Variants in GXYLT1 observed in about 807,000 individuals in gnomAD.
The protein encoded by GXYLT1 is glucoside xylosyltransferase 1, also known as glycosyltransferase 8 domain containing 3.
Under a neutral mutation model 54.0 loss-of-function variants are expected in GXYLT1, and 29 were observed. The ratio of observed to expected loss-of-function variants is 0.54; its 90% confidence interval spans 0.40 to 0.73. The LOEUF (loss-of-function observed/expected upper bound fraction) is 0.73, where lower values mean the gene tolerates loss of function less well. Ranked by LOEUF, GXYLT1 falls within the 30% of genes least tolerant of loss-of-function variation. The probability of loss-of-function intolerance (pLI) is 0.00; values close to 1 mark genes in which losing one functional copy is unlikely to be tolerated. For missense variants in GXYLT1, 490 were observed against 553.4 expected (o/e 0.89, Z 1.15); for synonymous variants, 176 against 204.1 (o/e 0.86, Z 1.17).
chr12:42,138,306 C>T lies in GXYLT1; in HGVS notation c.221+6120G>A, dbSNP rs146547586. Among the ~76,000 whole-genome samples, 7 of 152,300 alleles carry T rather than the reference C, an allele frequency of 4.6e-5. No individual in the cohort carries two copies. The East Asian group carries it at 1.3e-3, about 29-fold the overall frequency. On this transcript the variant is annotated intron_variant, in intron 1 of 7. Coordinates refer to ENST00000398675, the MANE Select transcript of GXYLT1 (RefSeq NM_173601.2). Reference sequence around the variant, plus strand: ...TCAAATAAATAAATAAATAAACAAACAAACAAATAAATAATTTCTAGACAA... The same window carrying T: ...TCAAATAAATAAATAAATAAACAAATAAACAAATAAATAATTTCTAGACAA...
At chr12:42,112,837 T>A (rs141061909) in intron 3 of GXYLT1, among the ~76,000 whole-genome samples, 1 of 150,906 alleles carries the variant, frequency 6.6e-6, no homozygotes, top group Admixed American at 6.6e-5. Flanking sequence ...GACACAGAAT[T>A]GTCAGATTCA....
chr12:42,134,027 T>C (rs1427655678), intron 1 of GXYLT1, among the ~76,000 whole-genome samples: 5 of 151,522 alleles, frequency 3.3e-5, no homozygotes, highest in Non-Finnish European at 7.4e-5. Context: ...CAAAACCCCA[T>C]CTCTACAAAG....
intron 2 of GXYLT1, among the ~76,000 whole-genome samples, chr12:42,120,917 CCT>C (rs1460051686): frequency 1.3e-5 from 2 of 152,034 alleles, no homozygotes; most frequent in African/African-American, 4.8e-5. Flanking sequence ...TTGTTTGTAC[CCT>C]CTGTCCTTTG....
chr12:42,099,747 G>A (rs1288851576), intron 5 of GXYLT1, among the ~76,000 whole-genome samples: 2 of 152,182 alleles, frequency 1.3e-5, no homozygotes, highest in Non-Finnish European at 2.9e-5. Flanking sequence ...CTACTTGGAA[G>A]GCTGAGGTGG....
chr12:42,101,611 G>A (rs1017312899), intron 5 of GXYLT1, among the ~76,000 whole-genome samples: 6 of 150,434 alleles, frequency 4.0e-5, no homozygotes, highest in African/African-American at 7.4e-5. Context: ...TCACTCTGTC[G>A]CCCAGGCTGG....
rs180965374 is a variant in GXYLT1, at chr12:42,114,061, A to G, written c.487-4370T>C. On this transcript the variant is annotated intron_variant, in intron 3 of 7. Coordinates refer to ENST00000398675, the MANE Select transcript of GXYLT1 (RefSeq NM_173601.2). ...AAATAATGAAATGAAGGCAGAAATAAACATGTTCTTTGAAACCAACCAGAA... is the reference window on the plus strand; with the variant it reads ...AAATAATGAAATGAAGGCAGAAATAGACATGTTCTTTGAAACCAACCAGAA... 2.8e-3 allele frequency among the ~76,000 whole-genome samples: 433 copies of G among 152,364 alleles called. 1 individual carries two copies. The highest frequency in any genetic ancestry group is 9.3e-3 in the African/African-American group (386 of 41,586).
intron 2 of GXYLT1, among the ~76,000 whole-genome samples, chr12:42,124,218 G>A (rs979265708): frequency 5.3e-5 from 8 of 151,756 alleles, no homozygotes; most frequent in African/African-American, 1.9e-4. Context: ...TATGACCACA[G>A]AATTCACAAA....
intron 2 of GXYLT1, among the ~76,000 whole-genome samples, chr12:42,126,202 T>C (rs1190653074): frequency 1.3e-5 from 2 of 151,958 alleles, no homozygotes; most frequent in African/African-American, 2.4e-5. Flanking sequence ...GTCTCCCAAG[T>C]AGCTTGAACT....
At chr12:42,099,271 T>C (rs1279084831) in intron 5 of GXYLT1, among the ~76,000 whole-genome samples, 3 of 152,188 alleles carry the variant, frequency 2.0e-5, no homozygotes, top group African/African-American at 4.8e-5. Context: ...GAGGAGACCA[T>C]ACTACGCTAC....
chr12:42,088,949 A>T (rs2065313493), intron 7 of GXYLT1, among the ~76,000 whole-genome samples: 1 of 152,024 alleles, frequency 6.6e-6, no homozygotes, highest in East Asian at 1.9e-4. Context: ...AGAGAAGAGG[A>T]TGAACTTGGA....
intron 6 of GXYLT1, 93 bp downstream of exon 6, chr12:42,097,817 A>G: frequency 3.7e-6 from 4 of 1,075,232 alleles, no homozygotes; most frequent in African/African-American, 1.6e-5. Flanking sequence ...AATCATTAAT[A>G]TAAGACAGAA....
intron 5 of GXYLT1, among the ~76,000 whole-genome samples, chr12:42,098,432 T>C (rs1353958996): frequency 8.0e-6 from 1 of 124,358 alleles, no homozygotes; most frequent in Non-Finnish European, 1.7e-5. Flanking sequence ...CTATTATTAT[T>C]TTTTACCATG....
At chr12:42,129,194 C>T (rs1017235301) in intron 2 of GXYLT1, among the ~76,000 whole-genome samples, 1 of 152,088 alleles carries the variant, frequency 6.6e-6, no homozygotes, top group African/African-American at 2.4e-5. Context: ...GTACCCAATA[C>T]CTTCATTATC....
At chr12:42,136,569 G>A (rs369033991) in intron 1 of GXYLT1, among the ~76,000 whole-genome samples, 46 of 152,182 alleles carry the variant, frequency 3.0e-4, no homozygotes, top group African/African-American at 1.1e-3. Context: ...TCTAGCTCTA[G>A]GTAGCTTGTC....
At position 42,085,198 on chromosome 12, in the gene GXYLT1, CA is replaced by C. The variant is rs1723137227; in HGVS notation, c.*2587del. On this transcript the variant is annotated 3_prime_UTR_variant, in exon 8 of 8. Coordinates refer to ENST00000398675, the MANE Select transcript of GXYLT1 (RefSeq NM_173601.2). ...TTTAATTTTAGGTAGAAACAGTACC[CA>C]AAAGACAGTTTTCACTATAATTCAA... is the stretch of plus-strand genomic sequence containing the variant. 7.2e-6 allele frequency: 1 copy of C among 138,046 alleles called. No homozygotes were observed. The highest frequency in any genetic ancestry group is 7.3e-5 in the Admixed American group (1 of 13,738). The allele number at this position is 138,046 out of a possible 1,614,324, so 8.6% of individuals were successfully genotyped here.
intron 5 of GXYLT1, among the ~76,000 whole-genome samples, chr12:42,098,760 C>CATATATATATATATATATATAT (rs60199719): frequency 0.022 from 2,157 of 96,188 alleles, 109 homozygotes; most frequent in East Asian, 0.031. Context: ...AAATTTAAAA[C>CATATATATATATATATATATAT]ATATATATAT....
intron 1 of GXYLT1, among the ~76,000 whole-genome samples, chr12:42,139,447 C>T (rs2065639413): frequency 1.3e-5 from 2 of 152,062 alleles, no homozygotes. Context: ...GTCATGAGAG[C>T]AGAGCCCCCA....
chr12:42,115,857 T>G (rs1314586818), intron 3 of GXYLT1, among the ~76,000 whole-genome samples: 1 of 139,640 alleles, frequency 7.2e-6, no homozygotes, highest in Non-Finnish European at 1.6e-5. Flanking sequence ...GCTGGAGGCA[T>G]CATGCTACCT....
At position 42,084,862 on chromosome 12, in the gene GXYLT1, T is replaced by C. The variant is rs982924891; in HGVS notation, c.*2924A>G. ...GTTTCCCAAGTTCTTTTCTACTTCATACAAATGAAGTTTGACTGCATTTTA... is the reference window on the plus strand; with the variant it reads ...GTTTCCCAAGTTCTTTTCTACTTCACACAAATGAAGTTTGACTGCATTTTA... On this transcript the variant is annotated 3_prime_UTR_variant, in exon 8 of 8. Transcript: ENST00000398675. 6.6e-6 allele frequency: 1 copy of C among 152,294 alleles called. No homozygotes were observed. Among genetic ancestry groups the C allele is most frequent in the Non-Finnish European group, 1.5e-5 (1 of 68,050 alleles). 9.4% of individuals were successfully genotyped at this position (152,294 alleles called of 1,614,324 possible).
Sources: gnomAD v4.1 joint callset for allele counts (sites outside exome capture counted in the v4.1 genomes callset) on GRCh38, gnomAD v4.1.1 for gene constraint, MANE v1.5 for transcripts, NCBI Gene and HGNC (gene_info 2026-07-23, HGNC 2026-07-21) for gene names.